The following DLGAP2 variants were observed in gnomAD, a reference collection of about 807,000 sequenced individuals.
DLGAP2 encodes DLG associated protein 2, also known as disks large-associated protein 2.
A neutral mutation model predicts 100.3 loss-of-function variants in DLGAP2; 26 were observed. The ratio of observed to expected loss-of-function variants is 0.26; its 90% confidence interval spans 0.19 to 0.36. The LOEUF is 0.36. Ranked by LOEUF, DLGAP2 falls within the 10% of genes least tolerant of loss-of-function variation. DLGAP2 has a pLI of 1.00. For missense variants in DLGAP2, 1,858 were observed against 1,453.2 expected, an observed-to-expected ratio of 1.28 and a Z score of -4.53; for synonymous variants, 886 against 630.1, an observed-to-expected ratio of 1.41 and a Z score of -6.08.
Position 1,059,845 on chromosome 8 carries a change from A to G in DLGAP2, c.73+151879A>G, listed in dbSNP as rs771040752. 4.6e-5 allele frequency among the ~76,000 whole-genome samples: 7 copies of G among 152,140 alleles called. No homozygotes were observed. In the East Asian group the frequency reaches 1.2e-3, roughly 25 times the overall value. On this transcript the variant is annotated intron_variant, in intron 2 of 14. Coordinates refer to ENST00000637795, the MANE Select transcript of DLGAP2 (RefSeq NM_001346810.2). ...AGGCAGCCAGGCAGTGGGACCGACC[A>G]TATGGGGCAGTGCAGAGAGTCGGGG...
intron 4 of DLGAP2, among the ~76,000 whole-genome samples, chr8:1,510,279 C>T (rs1221759133): frequency 6.6e-6 from 1 of 152,220 alleles, no homozygotes; most frequent in Non-Finnish European, 1.5e-5. Context: ...CAGCCTGTGG[C>T]TGTGAAGTGT....
chr8:780,972 G>C lies in DLGAP2; in HGVS notation c.18+43147G>C, dbSNP rs546370947. Among the ~76,000 whole-genome samples the C allele has an allele frequency of 2.0e-5, 3 of 152,262 alleles. No homozygotes were observed. In the South Asian group the frequency reaches 6.2e-4, roughly 32 times the overall value. On this transcript the variant is annotated intron_variant, in intron 1 of 14. Coordinates refer to ENST00000637795, the MANE Select transcript of DLGAP2 (RefSeq NM_001346810.2). The stretch of plus-strand genomic sequence containing the variant: ...GTTTTGTGCAAGGGAACTAGCATCT[G>C]GCAATGAATTACATTTCTCTCCATG...
intron 2 of DLGAP2, among the ~76,000 whole-genome samples, chr8:1,022,154 C>T (rs772307529): frequency 2.2e-4 from 33 of 152,186 alleles, no homozygotes; most frequent in Non-Finnish European, 3.2e-4. Context: ...CCCATCCTCC[C>T]TGGGGGTGGA....
chr8:1,048,613 G>A (rs907939105), intron 2 of DLGAP2, among the ~76,000 whole-genome samples: 16 of 151,374 alleles, frequency 1.1e-4, no homozygotes, highest in African/African-American at 3.9e-4. Flanking sequence ...TGTTTCCTTG[G>A]GCCAAATAAT....
At chr8:857,749 A>G (rs1404444652) in intron 1 of DLGAP2, among the ~76,000 whole-genome samples, 1 of 152,206 alleles carries the variant, frequency 6.6e-6, no homozygotes, top group Non-Finnish European at 1.5e-5. Flanking sequence ...TGGTGCAGCC[A>G]CACTGAAGAC....
rs1260747951 is a variant in DLGAP2 at position 1,197,646 on chromosome 8, ACGCCAATGTGGAGCATCTGGGC to A, written c.74-61203_74-61182del. On this transcript the variant is annotated intron_variant, in intron 2 of 14. Transcript: ENST00000637795. Reference sequence around the variant, plus strand: ...CCAGCTGTCCATATAAACCTGAGCCACGCCAATGTGGAGCATCTGGGCCACCAGCTGTCCATATAAACCTGAG... The same window carrying A: ...CCAGCTGTCCATATAAACCTGAGCCACACCAGCTGTCCATATAAACCTGAG... Among the ~76,000 whole-genome samples the A allele has an allele frequency of 3.1e-3, 463 of 150,324 alleles. 3 individuals carry two copies. Among genetic ancestry groups the A allele is most frequent in the African/African-American group, 0.011 (442 of 40,526 alleles).
At chr8:1,426,381 A>C (rs577664890) in intron 3 of DLGAP2, among the ~76,000 whole-genome samples, 1 of 152,212 alleles carries the variant, frequency 6.6e-6, no homozygotes, top group East Asian at 1.9e-4. Context: ...GAACATGGCC[A>C]AGGAATACAA....
intron 3 of DLGAP2, among the ~76,000 whole-genome samples, chr8:1,466,355 T>A (rs780374803): frequency 1.3e-5 from 2 of 152,130 alleles, no homozygotes; most frequent in Non-Finnish European, 2.9e-5. Flanking sequence ...CAGCCGTGGC[T>A]GCCGCAGGAG....
Position 866,033 on chromosome 8 carries a change from A to G in DLGAP2, c.19-41879A>G, listed in dbSNP as rs375781142. On this transcript the variant is annotated intron_variant, in intron 1 of 14. Transcript: ENST00000637795. Reference sequence around the variant, plus strand: ...TTATGGGTCTCTTTTTAAATTTTTTATGGGGAAGAAACTGTGTTCTTGGGA... The same window carrying G: ...TTATGGGTCTCTTTTTAAATTTTTTGTGGGGAAGAAACTGTGTTCTTGGGA... 1.5e-4 allele frequency among the ~76,000 whole-genome samples: 23 copies of G among 152,202 alleles called. No homozygotes were observed. In the East Asian group the frequency reaches 1.9e-3, roughly 13 times the overall value.
chr8:1,032,345 G>A (rs1801999824), intron 2 of DLGAP2, among the ~76,000 whole-genome samples: 1 of 152,230 alleles, frequency 6.6e-6, no homozygotes, highest in African/African-American at 2.4e-5. Context: ...AGTGCCGTCT[G>A]CCTGCCTGTC....
intron 2 of DLGAP2, among the ~76,000 whole-genome samples, chr8:1,086,283 C>T (rs73524621): frequency 0.029 from 4,354 of 152,182 alleles, 176 homozygotes; most frequent in African/African-American, 0.097. Flanking sequence ...CAGCATAGGA[C>T]TTCTAGTACT....
intron 5 of DLGAP2, among the ~76,000 whole-genome samples, chr8:1,559,946 C>A (rs1183610150): frequency 1.3e-5 from 2 of 152,208 alleles, no homozygotes; most frequent in South Asian, 4.1e-4. Flanking sequence ...TCCCGTCAGC[C>A]GACAGTGACC....
intron 3 of DLGAP2, among the ~76,000 whole-genome samples, chr8:1,347,423 T>C (rs1801590042): frequency 6.6e-6 from 1 of 151,070 alleles, no homozygotes; most frequent in African/African-American, 2.4e-5. Context: ...CCCATCTGCA[T>C]TGCACTCATG....
chr8:1,189,732 C>A (rs1188621033), intron 2 of DLGAP2, among the ~76,000 whole-genome samples: 1 of 152,122 alleles, frequency 6.6e-6, no homozygotes, highest in Non-Finnish European at 1.5e-5. Flanking sequence ...CTCGAGTTAT[C>A]CAATAGGCAT....
At chr8:948,166 A>AC (rs894606688) in intron 2 of DLGAP2, among the ~76,000 whole-genome samples, 1 of 152,178 alleles carries the variant, frequency 6.6e-6, no homozygotes, top group Non-Finnish European at 1.5e-5. Flanking sequence ...GGCGTCCTGA[A>AC]CCCCAGGCCG....
intron 6 of DLGAP2, among the ~76,000 whole-genome samples, chr8:1,613,466 G>A (rs1469159056): frequency 9.9e-5 from 15 of 151,224 alleles, no homozygotes; most frequent in African/African-American, 1.2e-4. Flanking sequence ...TGGGTGCAGC[G>A]CACCAGCATG....
intron 8 of DLGAP2, among the ~76,000 whole-genome samples, chr8:1,655,622 T>G (rs1798266059): frequency 6.6e-6 from 1 of 152,234 alleles, no homozygotes; most frequent in South Asian, 2.1e-4. Context: ...AAAGCGATGA[T>G]GGATTCACAT....
chr8:1,288,889 T>A (rs1243637992), intron 3 of DLGAP2, among the ~76,000 whole-genome samples: 1 of 152,170 alleles, frequency 6.6e-6, no homozygotes, highest in Non-Finnish European at 1.5e-5. Flanking sequence ...TTCAAATGAA[T>A]TCAGTTGCTC....
chr8:861,388 G>A (rs1326801115), intron 1 of DLGAP2, among the ~76,000 whole-genome samples: 1 of 152,132 alleles, frequency 6.6e-6, no homozygotes, highest in South Asian at 2.1e-4. Context: ...TACCGGGGAT[G>A]ACTGTACTTC....
Sources: gnomAD v4.1 joint callset for allele counts (sites outside exome capture counted in the v4.1 genomes callset) on GRCh38, gnomAD v4.1.1 for gene constraint, MANE v1.5 for transcripts, NCBI Gene and HGNC (gene_info 2026-07-23, HGNC 2026-07-21) for gene names.